Variants in RAPGEF5 observed in about 807,000 individuals in gnomAD.
RAPGEF5 encodes M-Ras-regulated GEF.
RAPGEF5 carries 65 observed loss-of-function variants against 125.2 expected under a neutral mutation model. That is an observed-to-expected ratio of 0.52 (90% CI 0.43 to 0.64). The LOEUF is 0.64. Among genes scored for constraint, RAPGEF5 ranks in the 30% least tolerant of loss-of-function variants. The probability of loss-of-function intolerance (pLI) is 0.00; values close to 1 mark genes in which losing one functional copy is unlikely to be tolerated. For missense variants in RAPGEF5, 958 were observed against 1,048.1 expected, an observed-to-expected ratio of 0.91 and a Z score of 1.19; for synonymous variants, 391 against 385.9, an observed-to-expected ratio of 1.01 and a Z score of -0.16.
intron 7 of RAPGEF5, among the ~76,000 whole-genome samples, chr7:22,256,050 TGCCTGCCCAGCAGCCATTCTCCCCTC>T (rs1291197011): frequency 6.6e-6 from 1 of 152,176 alleles, no homozygotes; most frequent in African/African-American, 2.4e-5. Context: ...ACATTACTCT[TGCCTGCCCAGCAGCCATTCTCCCCTC>T]TGCTGGTGTT....
intron 1 of RAPGEF5, among the ~76,000 whole-genome samples, chr7:22,326,008 C>T (rs979271895): frequency 6.6e-6 from 1 of 152,216 alleles, no homozygotes; most frequent in Admixed American, 6.5e-5. Context: ...ACATTACTCA[C>T]AGGTCAGAAA....
chr7:22,129,826 A>G (rs1314138903), intron 24 of RAPGEF5, among the ~76,000 whole-genome samples: 6 of 152,218 alleles, frequency 3.9e-5, no homozygotes, highest in African/African-American at 1.2e-4. Context: ...ACTGTATTCT[A>G]TATTCCAGAT....
At chr7:22,303,169 A>G (rs540654064) in intron 5 of RAPGEF5, among the ~76,000 whole-genome samples, 2 of 152,282 alleles carry the variant, frequency 1.3e-5, no homozygotes, top group South Asian at 2.1e-4. Context: ...CTGTTATTTC[A>G]TCATTCCTCA....
chr7:22,326,582 T>C (rs1783818355), intron 1 of RAPGEF5, among the ~76,000 whole-genome samples: 1 of 152,204 alleles, frequency 6.6e-6, no homozygotes, highest in Admixed American at 6.5e-5. Context: ...TAACCAGTTA[T>C]TAGTAAGAAC....
chr7:22,236,413 T>C (rs1047282535), intron 7 of RAPGEF5, among the ~76,000 whole-genome samples: 1 of 152,318 alleles, frequency 6.6e-6, no homozygotes, highest in African/African-American at 2.4e-5. Context: ...ATAGGTGTAG[T>C]GGCACAATCT....
intron 6 of RAPGEF5, among the ~76,000 whole-genome samples, chr7:22,276,837 C>T (rs1017503019): frequency 2.6e-5 from 4 of 152,226 alleles, no homozygotes; most frequent in African/African-American, 4.8e-5. Context: ...CTGATTGATC[C>T]GACACAGAGT....
intron 9 of RAPGEF5, among the ~76,000 whole-genome samples, chr7:22,206,875 G>A (rs756033590): frequency 4.6e-5 from 7 of 152,034 alleles, no homozygotes; most frequent in Non-Finnish European, 8.8e-5. Flanking sequence ...AAAACAAACT[G>A]AGGAAAACAA....
intron 7 of RAPGEF5, among the ~76,000 whole-genome samples, chr7:22,261,219 C>A (rs1369345470): frequency 6.6e-6 from 1 of 152,072 alleles, no homozygotes; most frequent in Admixed American, 6.6e-5. Flanking sequence ...CATTCAGGTT[C>A]TTCTATTATT....
chr7:22,127,136 T>G (rs1490687099), intron 24 of RAPGEF5, among the ~76,000 whole-genome samples: 3 of 151,512 alleles, frequency 2.0e-5, no homozygotes, highest in Non-Finnish European at 4.4e-5. Context: ...CTCCCCAGGT[T>G]CAAGTGATTC....
Position 22,347,990 on chromosome 7 carries a change from C to T in RAPGEF5, c.231+8840G>A, listed in dbSNP as rs531649612. ...TGATTCAAAAAAAATTTACTAGCAA[C>T]TGAATGAGTACTTATATCAAGTTTT... On this transcript the variant is annotated intron_variant, in intron 1 of 25. Transcript: ENST00000665637. 7.9e-5 allele frequency among the ~76,000 whole-genome samples: 12 copies of T among 152,192 alleles called. 1 individual carries two copies. The highest frequency in any genetic ancestry group is 2.9e-4 in the African/African-American group (12 of 41,530).
chr7:22,258,694 T>C (rs1405613282), intron 7 of RAPGEF5, among the ~76,000 whole-genome samples: 1 of 127,102 alleles, frequency 7.9e-6, no homozygotes, highest in Non-Finnish European at 1.7e-5. Flanking sequence ...AGCCCATAAA[T>C]AGACCCAAAT....
chr7:22,202,537 C>T lies in RAPGEF5; in HGVS notation c.997-8504G>A, dbSNP rs183776897. Among the ~76,000 whole-genome samples, 3 of 152,290 alleles carry T rather than the reference C, an allele frequency of 2.0e-5. No individual in the cohort carries two copies. In the East Asian group the frequency reaches 5.8e-4, roughly 29 times the overall value. On this transcript the variant is annotated intron_variant, in intron 9 of 25. Coordinates refer to ENST00000665637, the MANE Select transcript of RAPGEF5 (RefSeq NM_012294.5). ...GATAAAGGCCCAGCACAGTCCCCTGCCACCCCAACAACAGTTCAATCACCA... is the reference window on the plus strand; with the variant it reads ...GATAAAGGCCCAGCACAGTCCCCTGTCACCCCAACAACAGTTCAATCACCA...
intron 11 of RAPGEF5, among the ~76,000 whole-genome samples, chr7:22,189,375 T>C (rs773266555): frequency 3.3e-5 from 5 of 152,186 alleles, no homozygotes; most frequent in Non-Finnish European, 7.3e-5. Context: ...GAAGTATCTG[T>C]AAGCAAAACA....
chr7:22,313,314 G>C lies in RAPGEF5; in HGVS notation c.389+2056C>G, dbSNP rs114990150. On this transcript the variant is annotated intron_variant, in intron 3 of 25. Transcript: ENST00000665637. ...AAGAAATGACGTCTCAGAAACCAGT[G>C]TGATTCTTCCTACAGTATAAAGTGA... is the stretch of plus-strand genomic sequence containing the variant. Among the ~76,000 whole-genome samples, 547 of 152,336 alleles carry C rather than the reference G, an allele frequency of 3.6e-3. 8 individuals are homozygous for C. The highest frequency in any genetic ancestry group is 0.013 in the African/African-American group (533 of 41,578).
intron 20 of RAPGEF5, among the ~76,000 whole-genome samples, chr7:22,141,131 T>C (rs1783246587): frequency 6.6e-6 from 1 of 152,192 alleles, no homozygotes; most frequent in African/African-American, 2.4e-5. Flanking sequence ...TTATATACTA[T>C]GGATTATTTA....
chr7:22,196,944 T>C (rs985224549), intron 9 of RAPGEF5, among the ~76,000 whole-genome samples: 1 of 152,144 alleles, frequency 6.6e-6, no homozygotes, highest in Admixed American at 6.5e-5. Context: ...GAGGCAGAAC[T>C]ATGAACATTG....
chr7:22,128,805 C>T (rs967709225), intron 24 of RAPGEF5, among the ~76,000 whole-genome samples: 1 of 152,110 alleles, frequency 6.6e-6, no homozygotes, highest in Admixed American at 6.6e-5. Flanking sequence ...CTTGCGTGTG[C>T]GCTATGTGAG....
At chr7:22,350,525 G>C (rs1484943729) in intron 1 of RAPGEF5, among the ~76,000 whole-genome samples, 2 of 152,124 alleles carry the variant, frequency 1.3e-5, no homozygotes, top group Non-Finnish European at 2.9e-5. Context: ...GGAAAAACCT[G>C]ATCCACTGTG....
rs147703133 is a variant in RAPGEF5 at position 22,211,921 on chromosome 7, C to T, written c.996+7945G>A. On this transcript the variant is annotated intron_variant, in intron 9 of 25. Transcript: ENST00000665637. ...GGTTGGTTCTGTTTCTAAAGCTGCT[C>T]TCTTCTCCACATCAGGCCCCTTGTG... Among the ~76,000 whole-genome samples the T allele has an allele frequency of 2.0e-3, 304 of 150,864 alleles. 2 individuals are homozygous for T. Among genetic ancestry groups the T allele is most frequent in the Middle Eastern group, 3.4e-3 (1 of 290 alleles).
Sources: allele counts gnomAD v4.1 joint callset (sites outside exome capture counted in the v4.1 genomes callset), GRCh38; gene constraint gnomAD v4.1.1; transcripts MANE v1.5; gene names NCBI Gene and HGNC (gene_info 2026-07-23, HGNC 2026-07-21).